MRAP2: variants seen among roughly 807,000 people sequenced by gnomAD.
The protein encoded by MRAP2 is melanocortin 2 receptor accessory protein 2.
Under a neutral mutation model 17.4 loss-of-function variants are expected in MRAP2, and 20 were observed. The ratio of observed to expected loss-of-function variants is 1.15; its 90% CI spans 0.81 to 1.67. The LOEUF (loss-of-function observed/expected upper bound fraction) is 1.67, where lower values mean the gene tolerates loss of function less well. Ranked by LOEUF, MRAP2 falls within the 40% of genes most tolerant of loss-of-function variation. The probability of loss-of-function intolerance (pLI) is 0.00; values close to 1 mark genes in which losing one functional copy is unlikely to be tolerated. For missense variants in MRAP2, 238 were observed against 240.0 expected, an observed-to-expected ratio of 0.99 and a Z score of 0.05; for synonymous variants, 96 against 88.4, an observed-to-expected ratio of 1.09 and a Z score of -0.48.
intron 2 of MRAP2, chr6:84,061,814 C>T: frequency 1.0e-6 from 1 of 985,402 alleles, no homozygotes; most frequent in Non-Finnish European, 1.2e-6. Context: ...CTGTGGTGTA[C>T]TGTTTTCTCA....
the MRAP2 span, among the ~76,000 whole-genome samples, chr6:84,120,483 G>T: frequency 6.6e-6 from 1 of 152,030 alleles, no homozygotes; most frequent in Non-Finnish European, 1.5e-5. Flanking sequence ...TCTCATCCTG[G>T]CCCCTAAGTG....
chr6:84,041,143 A>C (rs572150843), intron 1 of MRAP2, among the ~76,000 whole-genome samples: 1 of 152,324 alleles, frequency 6.6e-6, no homozygotes, highest in South Asian at 2.1e-4. Context: ...GGGCCAAGGC[A>C]TACAAAGGGG....
chr6:84,076,517 C>T (rs2099497667), intron 3 of MRAP2, among the ~76,000 whole-genome samples: 1 of 152,086 alleles, frequency 6.6e-6, no homozygotes, highest in Admixed American at 6.6e-5. Flanking sequence ...AGCCACTGCA[C>T]CCAGCCTAAT....
At chr6:84,139,616 G>T in the MRAP2 span, among the ~76,000 whole-genome samples, 2 of 152,130 alleles carry the variant, frequency 1.3e-5, no homozygotes, top group South Asian at 4.1e-4. Context: ...GCAGAAGCTG[G>T]TAAAAGGTAA....
the MRAP2 span, among the ~76,000 whole-genome samples, chr6:84,120,433 A>T: frequency 1.3e-5 from 2 of 152,152 alleles, no homozygotes. Context: ...CTGGAGCTTG[A>T]ATCTTTATAA....
chr6:84,118,637 C>T, the MRAP2 span, among the ~76,000 whole-genome samples: 3 of 152,180 alleles, frequency 2.0e-5, no homozygotes, highest in African/African-American at 7.2e-5. Flanking sequence ...AGGTGGCAGC[C>T]CACCCCTTCC....
the MRAP2 span, among the ~76,000 whole-genome samples, chr6:84,130,769 T>C: frequency 1.3e-5 from 2 of 152,096 alleles, no homozygotes; most frequent in African/African-American, 4.8e-5. Flanking sequence ...TTAATTTGGC[T>C]AGTGGTCTAT....
the MRAP2 span, among the ~76,000 whole-genome samples, chr6:84,128,222 G>C: frequency 2.0e-4 from 30 of 152,082 alleles, no homozygotes; most frequent in African/African-American, 7.2e-4. Context: ...TCTGGTTTTA[G>C]ACAAATAGAG....
chr6:84,059,604 T>G (rs1355856978), intron 2 of MRAP2, among the ~76,000 whole-genome samples: 1 of 152,214 alleles, frequency 6.6e-6, no homozygotes, highest in African/African-American at 2.4e-5. Flanking sequence ...TTCAGCTCTC[T>G]TGTTCCATTC....
chr6:84,133,755 C>G, the MRAP2 span, among the ~76,000 whole-genome samples: 1 of 152,160 alleles, frequency 6.6e-6, no homozygotes, highest in Admixed American at 6.5e-5. Flanking sequence ...TTTCCAGGTA[C>G]CGTCTATCAC....
At chr6:84,113,548 T>C in the MRAP2 span, among the ~76,000 whole-genome samples, 2 of 152,200 alleles carry the variant, frequency 1.3e-5, no homozygotes, top group African/African-American at 4.8e-5. Flanking sequence ...AATTTGCCAG[T>C]CTGTGTCTTT....
Position 84,089,475 on chromosome 6 carries a change from G to A in MRAP2, c.612G>A (p.Leu204=). ...TTTCCCAGACCTCACACAAAGACCT[G>A]GATTGAGAAACATGCTCTGTAAAGG... ...KPLSQTSHKD[L]D Residue 204 remains leucine (L), a synonymous_variant, in exon 4 of 4, where the codon CTG becomes CTA. Coordinates refer to ENST00000257776, the MANE Select transcript of MRAP2 (RefSeq NM_138409.4). 1 of 1,611,744 alleles carries A rather than the reference G, an allele frequency of 6.2e-7. No homozygotes were observed. Among genetic ancestry groups the A allele is most frequent in the African/African-American group, 1.3e-5 (1 of 74,926 alleles).
intron 1 of MRAP2, among the ~76,000 whole-genome samples, chr6:84,046,838 A>AGG (rs2099489174): frequency 6.7e-6 from 1 of 150,172 alleles, no homozygotes; most frequent in Admixed American, 6.6e-5. Flanking sequence ...GTGTGTTTCC[A>AGG]GGACTGGTCA....
intron 2 of MRAP2, among the ~76,000 whole-genome samples, chr6:84,060,166 G>A (rs957475316): frequency 2.6e-5 from 4 of 152,184 alleles, no homozygotes; most frequent in Non-Finnish European, 4.4e-5. Flanking sequence ...CATAGATGCC[G>A]CATTATTAAG....
At chr6:84,112,484 T>A in the MRAP2 span, among the ~76,000 whole-genome samples, 1 of 152,214 alleles carries the variant, frequency 6.6e-6, no homozygotes, top group Non-Finnish European at 1.5e-5. Flanking sequence ...TCTATTTGAT[T>A]CTTCTCTCTC....
chr6:84,139,114 A>C, the MRAP2 span, among the ~76,000 whole-genome samples: 1 of 152,228 alleles, frequency 6.6e-6, no homozygotes, highest in Non-Finnish European at 1.5e-5. Flanking sequence ...AATCAAATGG[A>C]AGAAAAGCTC....
chr6:84,103,993 T>C, the MRAP2 span, among the ~76,000 whole-genome samples: 2 of 152,240 alleles, frequency 1.3e-5, no homozygotes, highest in Non-Finnish European at 2.9e-5. Context: ...TTTATTCTAC[T>C]AAAGAAACCT....
chr6:84,074,960 G>A (rs2099497203), intron 3 of MRAP2, among the ~76,000 whole-genome samples: 1 of 152,136 alleles, frequency 6.6e-6, no homozygotes, highest in Non-Finnish European at 1.5e-5. Context: ...TCTGTTAACG[G>A]GGGAAATATG....
intron 3 of MRAP2, among the ~76,000 whole-genome samples, chr6:84,079,990 T>C (rs1312585752): frequency 2.6e-5 from 4 of 151,886 alleles, no homozygotes; most frequent in Non-Finnish European, 5.9e-5. Context: ...AGGACCCTCG[T>C]TTCATAACCT....
Sources: gnomAD v4.1 joint callset for allele counts (sites outside exome capture counted in the v4.1 genomes callset) on GRCh38, gnomAD v4.1.1 for gene constraint, MANE v1.5 for transcripts, NCBI Gene and HGNC (gene_info 2026-07-23, HGNC 2026-07-21) for gene names.